Variants in BRCA2 observed in about 807,000 individuals in gnomAD.
The protein encoded by BRCA2 is breast cancer type 2 susceptibility protein.
BRCA2 carries 203 observed loss-of-function variants against 276.7 expected under a neutral mutation model. The ratio of observed to expected loss-of-function variants is 0.73; its 90% CI spans 0.65 to 0.82. The LOEUF (loss-of-function observed/expected upper bound fraction) is 0.82. Ranked by LOEUF, BRCA2 falls within the 40% of genes least tolerant of loss-of-function variation. The probability of loss-of-function intolerance (pLI) is 0.00; values close to 1 mark genes in which losing one functional copy is unlikely to be tolerated. For missense variants in BRCA2, 3,920 were observed against 3,915.0 expected (o/e 1.00, Z -0.03); for synonymous variants, 1,289 against 1,338.4 (o/e 0.96, Z 0.81).
At chr13:32,318,907 A>G (rs569481738) in intron 2 of BRCA2, among the ~76,000 whole-genome samples, 170 bp from the exon 3 acceptor site, 23 of 152,358 alleles carry the variant, frequency 1.5e-4, no homozygotes, top group Admixed American at 6.5e-5. Context: ...ACACCTTTCT[A>G]TAGATTCGCA....
chr13:32,389,366 A>G (rs2072982091), intron 24 of BRCA2, among the ~76,000 whole-genome samples: 1 of 152,126 alleles, frequency 6.6e-6, no homozygotes, highest in African/African-American at 2.4e-5. Flanking sequence ...AACTCTTTCC[A>G]TTGTTTCTTC....
intron 11 of BRCA2, among the ~76,000 whole-genome samples, chr13:32,344,031 T>A (rs2072591898): frequency 6.6e-6 from 1 of 152,120 alleles, no homozygotes; most frequent in Non-Finnish European, 1.5e-5. Context: ...TCTTAGCCTC[T>A]GTAGAATTTT....
chr13:32,379,613 T>C lies in BRCA2; in HGVS notation c.8953+98T>C, dbSNP rs81002901. On this transcript the variant is annotated intron_variant, in intron 22 of 26. Transcript: ENST00000380152. The stretch of plus-strand genomic sequence containing the variant: ...AAATCCAGATAAAGTATAAAGTTAG[T>C]TTATATCAGAGAAGCAAAATCCACT... 3.0e-3 allele frequency: 4,652 copies of C among 1,528,786 alleles called. 19 individuals carry two copies. The highest frequency in any genetic ancestry group is 3.9e-3 in the Non-Finnish European group (4,335 of 1,118,178). The allele number at this position is 1,528,786 out of a possible 1,614,324, so 94.7% of individuals were successfully genotyped here. A position where few individuals can be genotyped will look rare whatever the true frequency, so the allele number is the denominator to read the frequency against.
chr13:32,355,900 G>C (rs1388360904), intron 14 of BRCA2, among the ~76,000 whole-genome samples: 1 of 151,682 alleles, frequency 6.6e-6, no homozygotes, highest in Non-Finnish European at 1.5e-5. Flanking sequence ...GATAAAAATA[G>C]TAAAGATATT....
chr13:32,346,583 T>C (rs1219389055), intron 12 of BRCA2, among the ~76,000 whole-genome samples: 1 of 152,142 alleles, frequency 6.6e-6, no homozygotes, highest in Non-Finnish European at 1.5e-5. Context: ...GTTATGATGG[T>C]TAACATCAAC....
intron 14 of BRCA2, 87 bp downstream of exon 14, chr13:32,355,375 T>C: frequency 6.9e-7 from 1 of 1,444,726 alleles, no homozygotes; most frequent in Middle Eastern, 2.1e-4. Flanking sequence ...TTTTCCCCCT[T>C]TGGTGGTGGT....
rs2072662056 is a variant in BRCA2, at chr13:32,352,867, G to C, written c.7008-1994G>C. Among the ~76,000 whole-genome samples the C allele has an allele frequency of 2.6e-5, 4 of 152,200 alleles. No homozygotes were observed. The South Asian group carries it at 6.2e-4, about 24-fold the overall frequency. On this transcript the variant is annotated intron_variant, in intron 13 of 26. Transcript: ENST00000380152. The stretch of plus-strand genomic sequence containing the variant: ...AGAGAATGATTGAGATAGAAATTCA[G>C]TAGATTTGGCCAGATAGTGATAAGT...
rs2137488304 is a variant in BRCA2 at position 32,336,980 on chromosome 13, C to T, written c.2625C>T (p.Val875=). Residue 875 remains valine (V), a synonymous_variant, in exon 11 of 27, where the codon GTC becomes GTT. Coordinates refer to ENST00000380152, the MANE Select transcript of BRCA2 (RefSeq NM_000059.4). ...CTACTTCAATTTCAAAAATAACTGT[C>T]AATCCAGACTCTGAAGAACTTTTCT... ...EETTSISKIT[V]NPDSEELFSD... 2 of 1,585,706 alleles carry T rather than the reference C, an allele frequency of 1.3e-6. No individual in the cohort carries two copies. Among genetic ancestry groups the T allele is most frequent in the Non-Finnish European group, 1.7e-6 (2 of 1,171,984 alleles).
At chr13:32,328,477 A>C (rs1452984317) in intron 7 of BRCA2, among the ~76,000 whole-genome samples, 1 of 152,054 alleles carries the variant, frequency 6.6e-6, no homozygotes, top group Non-Finnish European at 1.5e-5. Flanking sequence ...CCTGACCTCA[A>C]GTGATTCGTT....
At chr13:32,395,559 C>G (rs1406090501) in intron 25 of BRCA2, among the ~76,000 whole-genome samples, 1 of 152,048 alleles carries the variant, frequency 6.6e-6, no homozygotes, top group Non-Finnish European at 1.5e-5. Flanking sequence ...AAATGGCTTG[C>G]CTTAGGTCAA....
At chr13:32,385,811 T>C in intron 24 of BRCA2, 1 of 171,758 alleles carries the variant, frequency 5.8e-6, no homozygotes, top group East Asian at 1.6e-4. Context: ...ATGCAAGACA[T>C]ATATTTGCAC....
chr13:32,333,167 G>C lies in BRCA2; in HGVS notation c.1689G>C (p.Trp563Cys), dbSNP rs80358456. The change falls in exon 10 of 27, where the codon TGG becomes TGC. Residue 563 changes from tryptophan (W) to cysteine (C), a missense_variant. Transcript: ENST00000380152. ...LCPNLIDNGS[W>C]PATTTQNSVA... ...CAAATTTAATTGATAATGGAAGCTG[G>C]CCAGCCACCACCACACAGAATTCTG... 6.2e-7 allele frequency: 1 copy of C among 1,614,026 alleles called. No individual in the cohort carries two copies. The highest frequency in any genetic ancestry group is 8.5e-7 in the Non-Finnish European group (1 of 1,179,986).
In BRCA2 at chr13:32,397,010, C is replaced by T. The variant is rs546682485; in HGVS notation, c.9614C>T (p.Ala3205Val). Reference protein sequence around the residue: ...TKDCTSGPYTAQIIPGTGNKL... With the variant: ...TKDCTSGPYTVQIIPGTGNKL... ...GACTGTACTTCAGGGCCGTACACTG[C>T]TCAAATCATTCCTGGTACAGGAAAC... Residue 3205 changes from alanine (A) to valine (V), a missense_variant, in exon 26 of 27, where the codon GCT becomes GTT. This residue lies in a region of BRCA2 where 657 missense variants were observed against 758.2 expected (regional missense o/e 0.87). Coordinates refer to ENST00000380152, the MANE Select transcript of BRCA2 (RefSeq NM_000059.4). 34 of 1,614,052 alleles carry T rather than the reference C, an allele frequency of 2.1e-5. No homozygotes were observed. In the Middle Eastern group the frequency reaches 5.0e-4, roughly 24 times the overall value.
rs81002885 is a variant in BRCA2, at chr13:32,316,529, T to C, written c.67+2T>C. On this transcript the variant is annotated splice_donor_variant, in intron 2 of 26. Coordinates refer to ENST00000380152, the MANE Select transcript of BRCA2 (RefSeq NM_000059.4). LOFTEE classifies it high-confidence loss of function. The stretch of plus-strand genomic sequence containing the variant: ...TTAAGACACGCTGCAACAAAGCAGG[T>C]ATTGACAAATTTTATATAACTTTAT... The C allele has an allele frequency of 1.9e-6, 3 of 1,612,886 alleles. No individual in the cohort carries two copies. Among genetic ancestry groups the C allele is most frequent in the Non-Finnish European group, 2.5e-6 (3 of 1,178,994 alleles).
chr13:32,350,685 G>A (rs546422025), intron 13 of BRCA2, among the ~76,000 whole-genome samples: 3 of 151,986 alleles, frequency 2.0e-5, no homozygotes, highest in Non-Finnish European at 4.4e-5. Context: ...CCCAGGAGGC[G>A]GAGCTTTCAG....
At chr13:32,390,037 A>T (rs2072986451) in intron 24 of BRCA2, among the ~76,000 whole-genome samples, 1 of 152,166 alleles carries the variant, frequency 6.6e-6, no homozygotes, top group South Asian at 2.1e-4. Flanking sequence ...TTATATCATG[A>T]TATTCCACGT....
At chr13:32,335,972 C>T (rs1041865079) in intron 10 of BRCA2, among the ~76,000 whole-genome samples, 4 of 152,130 alleles carry the variant, frequency 2.6e-5, no homozygotes, top group African/African-American at 9.7e-5. Context: ...GCCTCACCCT[C>T]CTGGGCTCAA....
At chr13:32,390,957 A>G (rs2072992906) in intron 24 of BRCA2, among the ~76,000 whole-genome samples, 1 of 152,200 alleles carries the variant, frequency 6.6e-6, no homozygotes. Context: ...CAGAGAGGTT[A>G]AGTAGCCTGC....
chr13:32,316,561 C>T (rs765135557), intron 2 of BRCA2, 34 bp downstream of exon 2: 2 of 1,571,062 alleles, frequency 1.3e-6, no homozygotes, highest in Non-Finnish European at 8.7e-7. Flanking sequence ...TTATAAATTA[C>T]ACCGAGAAAG....
Sources: gnomAD v4.1 joint callset for allele counts (sites outside exome capture counted in the v4.1 genomes callset) on GRCh38, gnomAD v4.1.1 for gene constraint, gnomAD v4.1.1 regional missense constraint, MANE v1.5 for transcripts, NCBI Gene and HGNC (gene_info 2026-07-23, HGNC 2026-07-21) for gene names.